The following GOLM1 variants were observed in gnomAD, a reference collection of about 807,000 sequenced individuals.
GOLM1 encodes the protein epididymis luminal protein 46.
In GOLM1, 31 loss-of-function variants were observed where a neutral mutation model predicts 50.5. The ratio of observed to expected loss-of-function variants is 0.61; its 90% CI spans 0.46 to 0.83. GOLM1 has a LOEUF of 0.83. Ranked by LOEUF, GOLM1 falls within the 40% of genes least tolerant of loss-of-function variation. GOLM1 has a pLI of 0.00. For missense variants in GOLM1, 491 were observed against 501.3 expected, an observed-to-expected ratio of 0.98 and a Z score of 0.20; for synonymous variants, 178 against 192.8, an observed-to-expected ratio of 0.92 and a Z score of 0.64.
Position 86,035,671 on chromosome 9 carries a change from TAAAAAAA to T in GOLM1, c.758-53_758-47del, listed in dbSNP as rs375193474. Reference sequence around the variant, plus strand: ...GCTGTGACCTTGCCAGCATTTGATTTAAAAAAAAAAAAAAAAAAAAAAGCAAAACCTG... The same window carrying T: ...GCTGTGACCTTGCCAGCATTTGATTTAAAAAAAAAAAAAAAGCAAAACCTG... On this transcript the variant is annotated intron_variant, in intron 7 of 9. Coordinates refer to ENST00000388712, the MANE Select transcript of GOLM1 (RefSeq NM_016548.4). 7.8e-4 allele frequency: 680 copies of T among 873,068 alleles called. 6 individuals are homozygous for T. Among genetic ancestry groups the T allele is most frequent in the African/African-American group, 7.1e-3 (299 of 42,314 alleles). The allele number at this position is 873,068 out of a possible 1,614,324, so 54.1% of individuals were successfully genotyped here. A position where few individuals can be genotyped will look rare whatever the true frequency, so the allele number is the denominator to read the frequency against.
chr9:86,057,486 G>T (rs780343984), intron 3 of GOLM1, among the ~76,000 whole-genome samples: 3 of 152,016 alleles, frequency 2.0e-5, no homozygotes, highest in African/African-American at 7.2e-5. Flanking sequence ...AGTGCCTCCC[G>T]GCTCCCACCT....
intron 3 of GOLM1, among the ~76,000 whole-genome samples, chr9:86,069,135 CTATT>C (rs910016302): frequency 2.3e-5 from 3 of 129,460 alleles, no homozygotes; most frequent in Non-Finnish European, 4.6e-5. Context: ...CATGTAATCT[CTATT>C]TTTTTTTTTA....
At chr9:86,053,650 ATG>A (rs1564347540) in intron 3 of GOLM1, among the ~76,000 whole-genome samples, 26 of 57,856 alleles carry the variant, frequency 4.5e-4, no homozygotes, top group Non-Finnish European at 7.8e-4. Context: ...ACACCACACC[ATG>A]CTACACCACT....
At chr9:86,053,685 C>CACACCACACACCATTCCAAACCATGCT (rs1833889961) in intron 3 of GOLM1, among the ~76,000 whole-genome samples, 2 of 63,958 alleles carry the variant, frequency 3.1e-5, no homozygotes, top group East Asian at 2.0e-4. Flanking sequence ...CACCACTCCA[C>CACACCACACACCATTCCAAACCATGCT]ACACACCACA....
chr9:86,062,186 C>T (rs1834179204), intron 3 of GOLM1, among the ~76,000 whole-genome samples: 2 of 152,158 alleles, frequency 1.3e-5, no homozygotes, highest in Admixed American at 1.3e-4. Flanking sequence ...GAAAGCACCT[C>T]GCTGGGAGAG....
In GOLM1 at chr9:86,035,171, T is replaced by C. The variant is rs553091300; in HGVS notation, c.1015+197A>G. ...ATATTGCATCTAAAACCTCGAGTTC[T>C]AGAGCATATGCTGCTCTTCCTTCCT... On this transcript the variant is annotated intron_variant, in intron 8 of 9. Transcript: ENST00000388712. 5.1e-6 allele frequency: 5 copies of C among 985,412 alleles called. No homozygotes were observed. The South Asian group carries it at 1.9e-4, about 37-fold the overall frequency. The allele number at this position is 985,412 out of a possible 1,614,324, so 61.0% of individuals were successfully genotyped here. A position where few individuals can be genotyped will look rare whatever the true frequency, so the allele number is the denominator to read the frequency against.
Position 86,033,413 on chromosome 9 carries a change from A to C in GOLM1, c.1016-18T>G, listed in dbSNP as rs373476882. On this transcript the variant is annotated intron_variant, in intron 8 of 9. Transcript: ENST00000388712. Reference sequence around the variant, plus strand: ...GTTTCTCCCTGTAAAATTAGCACATAAAACATAAGCTACATCATTTCTGTC... The same window carrying C: ...GTTTCTCCCTGTAAAATTAGCACATCAAACATAAGCTACATCATTTCTGTC... 9.9e-6 allele frequency: 14 copies of C among 1,417,664 alleles called. No individual in the cohort carries two copies. In the African/African-American group the frequency reaches 2.0e-4, roughly 20 times the overall value. 87.8% of individuals were successfully genotyped at this position (1,417,664 alleles called of 1,614,324 possible).
At chr9:86,047,910 G>A (rs1277269773) in intron 4 of GOLM1, among the ~76,000 whole-genome samples, 2 of 152,114 alleles carry the variant, frequency 1.3e-5, no homozygotes, top group Admixed American at 1.3e-4. Flanking sequence ...TTAAATTCTA[G>A]GGTACATGTG....
intron 4 of GOLM1, among the ~76,000 whole-genome samples, chr9:86,050,114 T>TGATG (rs1279773965): frequency 5.3e-5 from 8 of 152,224 alleles, no homozygotes; most frequent in African/African-American, 1.7e-4. Context: ...CTGCATCTAT[T>TGATG]GAGATAATCA....
intron 7 of GOLM1, among the ~76,000 whole-genome samples, chr9:86,035,894 A>AAAAAC (rs1226085512): frequency 6.6e-6 from 1 of 151,242 alleles, no homozygotes; most frequent in East Asian, 1.9e-4. Context: ...AAAAAAAAAA[A>AAAAAC]AACACCTGGA....
At chr9:86,035,743 TG>T in intron 7 of GOLM1, 118 bp from the exon 8 acceptor site, 1 of 879,292 alleles carries the variant, frequency 1.1e-6, no homozygotes, top group Non-Finnish European at 1.7e-6. Flanking sequence ...GGAGTGGGGG[TG>T]GGGTGGGCTG....
At chr9:86,086,899 T>C (rs1834990823) in intron 1 of GOLM1, among the ~76,000 whole-genome samples, 2 of 152,208 alleles carry the variant, frequency 1.3e-5, no homozygotes, top group South Asian at 4.1e-4. Flanking sequence ...TGCCTCCAGC[T>C]TTGTCTTTTT....
At chr9:86,088,437 T>C (rs1198472105) in intron 1 of GOLM1, among the ~76,000 whole-genome samples, 2 of 118,686 alleles carry the variant, frequency 1.7e-5, no homozygotes, top group African/African-American at 3.4e-5. Flanking sequence ...TATATATATA[T>C]ATATATATAT....
chr9:86,049,594 G>T (rs1430297830), intron 4 of GOLM1, among the ~76,000 whole-genome samples: 2 of 152,170 alleles, frequency 1.3e-5, no homozygotes, highest in African/African-American at 4.8e-5. Flanking sequence ...CACGTCCCTT[G>T]TAAGTTGGAT....
intron 9 of GOLM1, among the ~76,000 whole-genome samples, chr9:86,028,949 C>T (rs563089062): frequency 1.7e-4 from 25 of 151,378 alleles, no homozygotes; most frequent in Admixed American, 1.3e-3. Context: ...CCGGGGTTCA[C>T]GCCATTCTCC....
intron 5 of GOLM1, among the ~76,000 whole-genome samples, chr9:86,044,968 C>T (rs1474493294): frequency 1.3e-5 from 2 of 151,702 alleles, no homozygotes; most frequent in Non-Finnish European, 2.9e-5. Flanking sequence ...AAAAAAGAGG[C>T]TATAGCTAAT....
Position 86,088,420 on chromosome 9 carries a change from G to GTATATATA in GOLM1, c.-21-9087_-21-9080dup, listed in dbSNP as rs71505775. Among the ~76,000 whole-genome samples, 829 of 86,130 alleles carry GTATATATA rather than the reference G, an allele frequency of 9.6e-3. 19 individuals are homozygous for GTATATATA. Among genetic ancestry groups the GTATATATA allele is most frequent in the African/African-American group, 0.02 (351 of 17,320 alleles). The allele number at this position is 86,130 out of a possible 152,430, so 56.5% of individuals were successfully genotyped here. Reference sequence around the variant, plus strand: ...TGGATTCGTTGTTTTTTTGAAGGGTGTATATATATATATATATATATATAT... The same window carrying GTATATATA: ...TGGATTCGTTGTTTTTTTGAAGGGTGTATATATATATATATATATATATATATATATAT... On this transcript the variant is annotated intron_variant, in intron 1 of 9. Coordinates refer to ENST00000388712, the MANE Select transcript of GOLM1 (RefSeq NM_016548.4).
chr9:86,052,168 C>T (rs1833774865), intron 4 of GOLM1, among the ~76,000 whole-genome samples: 1 of 152,106 alleles, frequency 6.6e-6, no homozygotes, highest in African/African-American at 2.4e-5. Flanking sequence ...TTGGGCTGGA[C>T]AGTTTTTCTA....
Position 86,033,389 on chromosome 9 carries a change from T to C in GOLM1, c.1022A>G (p.Asn341Ser), listed in dbSNP as rs1833040863. Reference sequence around the variant, plus strand: ...ATCTTCTCCTCTCAGTTTCTGCTGGTTTCTCCCTGTAAAATTAGCACATAA... The same window carrying C: ...ATCTTCTCCTCTCAGTTTCTGCTGGCTTCTCCCTGTAAAATTAGCACATAA... The part of the protein sequence containing the change: ...EEQEAAGEGR[N>S]QQKLRGEDDY... The change falls in exon 9 of 10, where the codon AAC (asparagine) becomes AGC (serine). Residue 341 changes from asparagine to serine, a missense_variant. By Grantham distance (46) the Asn-to-Ser change is conservative. Coordinates refer to ENST00000388712, the MANE Select transcript of GOLM1 (RefSeq NM_016548.4). 2 of 1,591,388 alleles carry C rather than the reference T, an allele frequency of 1.3e-6. No homozygotes were observed. The highest frequency in any genetic ancestry group is 1.7e-6 in the Non-Finnish European group (2 of 1,159,298).
Sources: allele counts gnomAD v4.1 joint callset (sites outside exome capture counted in the v4.1 genomes callset), GRCh38; gene constraint gnomAD v4.1.1; transcripts MANE v1.5; gene names NCBI Gene and HGNC (gene_info 2026-07-23, HGNC 2026-07-21).